PRR11: variants seen among roughly 807,000 people sequenced by gnomAD.
The protein encoded by PRR11 is proline-rich protein 11.
Under a neutral mutation model 45.6 loss-of-function variants are expected in PRR11, and 30 were observed. The observed-to-expected ratio is 0.66, with a 90% CI of 0.49 to 0.89. The LOEUF is 0.89. PRR11 is among the 40% of genes least tolerant of loss of function. PRR11 has a pLI of 0.00. For missense variants in PRR11, 373 were observed against 424.8 expected (o/e 0.88, Z 1.07); for synonymous variants, 128 against 153.5 (o/e 0.83, Z 1.23).
At chr17:59,159,222 C>G (rs1396932984) in intron 1 of PRR11, among the ~76,000 whole-genome samples, 5 of 152,220 alleles carry the variant, frequency 3.3e-5, no homozygotes, top group Non-Finnish European at 5.9e-5. Context: ...TCTTTCTCTA[C>G]CCACTCCTTA....
intron 6 of PRR11, among the ~76,000 whole-genome samples, chr17:59,195,070 T>C (rs1845134802): frequency 6.6e-6 from 1 of 152,088 alleles, no homozygotes; most frequent in African/African-American, 2.4e-5. Flanking sequence ...CAAGTTAAGT[T>C]TTTGATGTTT....
chr17:59,181,090 C>T lies in PRR11; in HGVS notation c.129-3964C>T, dbSNP rs374537154. Among the ~76,000 whole-genome samples, 96 of 150,856 alleles carry T rather than the reference C, an allele frequency of 6.4e-4. 2 individuals are homozygous for T. Among genetic ancestry groups the T allele is most frequent in the East Asian group, 2.8e-3 (14 of 5,032 alleles). ...CTGCAAGCAACACCTCCGGGGTTCACGCCATTCTGCTGCCTCAGCCTCCCA... is the reference window on the plus strand; with the variant it reads ...CTGCAAGCAACACCTCCGGGGTTCATGCCATTCTGCTGCCTCAGCCTCCCA... On this transcript the variant is annotated intron_variant, in intron 2 of 9. Transcript: ENST00000262293.
intron 2 of PRR11, among the ~76,000 whole-genome samples, chr17:59,178,086 C>A (rs1303997305): frequency 2.0e-5 from 3 of 151,524 alleles, no homozygotes; most frequent in South Asian, 2.1e-4. Flanking sequence ...GTAATCCCAG[C>A]ATTTTGGGAG....
chr17:59,200,666 G>A (rs1167272330), intron 9 of PRR11, among the ~76,000 whole-genome samples: 2 of 151,988 alleles, frequency 1.3e-5, no homozygotes, highest in Non-Finnish European at 2.9e-5. Context: ...CTAATTTTTT[G>A]TATTTTTAGT....
chr17:59,201,604 T>C lies in PRR11; in HGVS notation c.1056T>C (p.Ser352=). 1 of 1,613,662 alleles carries C rather than the reference T, an allele frequency of 6.2e-7. No homozygotes were observed. Among genetic ancestry groups the C allele is most frequent in the Non-Finnish European group, 8.5e-7 (1 of 1,180,010 alleles). The part of the protein sequence containing the change: ...PRSPTPTLPL[S]TSSFDEQN ...GCCCAACTCCAACTCTGCCACTTTCTACAAGCAGCTTTGATGAACAAAACT... is the reference window on the plus strand; with the variant it reads ...GCCCAACTCCAACTCTGCCACTTTCCACAAGCAGCTTTGATGAACAAAACT... Residue 352 remains serine, a synonymous_variant, in exon 10 of 10, where the codon TCT becomes TCC. Coordinates refer to ENST00000262293, the MANE Select transcript of PRR11 (RefSeq NM_018304.4).
intron 2 of PRR11, among the ~76,000 whole-genome samples, chr17:59,180,216 C>T (rs567700885): frequency 2.0e-5 from 3 of 150,088 alleles, no homozygotes; most frequent in South Asian, 4.2e-4. Context: ...CTGCAATCTC[C>T]GTCTCCCAGG....
rs556728059 is a variant in PRR11, at chr17:59,174,793, C to T, written c.128+4913C>T. The stretch of plus-strand genomic sequence containing the variant: ...CCCTGGAGCTCTAGGAAACGCGGTG[C>T]GATCTCGTGCCCACACCCAGTGCTC... On this transcript the variant is annotated intron_variant, in intron 2 of 9. Coordinates refer to ENST00000262293, the MANE Select transcript of PRR11 (RefSeq NM_018304.4). Among the ~76,000 whole-genome samples, 18 of 152,272 alleles carry T rather than the reference C, an allele frequency of 1.2e-4. No individual in the cohort carries two copies. In the East Asian group the frequency reaches 2.3e-3, roughly 20 times the overall value.
chr17:59,167,820 A>G (rs2046687098), intron 1 of PRR11, among the ~76,000 whole-genome samples: 1 of 152,220 alleles, frequency 6.6e-6, no homozygotes, highest in Non-Finnish European at 1.5e-5. Flanking sequence ...AAGGACAATC[A>G]GAGGCCACTT....
At chr17:59,163,204 C>A (rs2046662507) in intron 1 of PRR11, among the ~76,000 whole-genome samples, 1 of 152,118 alleles carries the variant, frequency 6.6e-6, no homozygotes, top group Admixed American at 6.6e-5. Flanking sequence ...GATTCTCCTG[C>A]CTCAGCCTCC....
At chr17:59,167,113 A>C (rs932923499) in intron 1 of PRR11, among the ~76,000 whole-genome samples, 1 of 152,182 alleles carries the variant, frequency 6.6e-6, no homozygotes, top group Non-Finnish European at 1.5e-5. Context: ...GCAGTGAGCC[A>C]AGATCGCGCC....
intron 1 of PRR11, among the ~76,000 whole-genome samples, chr17:59,161,973 G>T (rs1339760197): frequency 2.0e-5 from 3 of 152,136 alleles, no homozygotes; most frequent in Non-Finnish European, 2.9e-5. Flanking sequence ...ATTAAGTAAT[G>T]ATACTAAAAC....
At chr17:59,162,535 G>A (rs2046658524) in intron 1 of PRR11, among the ~76,000 whole-genome samples, 1 of 152,092 alleles carries the variant, frequency 6.6e-6, no homozygotes, top group Non-Finnish European at 1.5e-5. Flanking sequence ...TAGCAGTCCA[G>A]TTTAAACCAC....
rs774243319 is a variant in PRR11, at chr17:59,201,657, A to T, written c.*26A>T. On this transcript the variant is annotated 3_prime_UTR_variant, in exon 10 of 10. Transcript: ENST00000262293. ...TGCCAACTCTGCCTCACTCCATGAG[A>T]TGATCCATAACAAATACAGATAAAA... 4 of 1,607,688 alleles carry T rather than the reference A, an allele frequency of 2.5e-6. No individual in the cohort carries two copies. Among genetic ancestry groups the T allele is most frequent in the Non-Finnish European group, 3.4e-6 (4 of 1,174,886 alleles).
intron 2 of PRR11, among the ~76,000 whole-genome samples, chr17:59,180,169 C>T (rs569665234): frequency 3.0e-5 from 4 of 134,540 alleles, no homozygotes; most frequent in African/African-American, 5.6e-5. Flanking sequence ...CTTGCTTTGT[C>T]GCCCAGGCTG....
rs752735913 is a variant in PRR11 at position 59,197,749 on chromosome 17, T to C, written c.974T>C (p.Leu325Pro). The change falls in exon 9 of 10, where the codon CTG becomes CCG. Residue 325 changes from leucine (L) to proline (P), a missense_variant. Coordinates refer to ENST00000262293, the MANE Select transcript of PRR11 (RefSeq NM_018304.4). ...GAAAATATGGAAACAGGAACAGGAC[T>C]GACTCCAGTGATGACGCAGGCCTTA... is the stretch of plus-strand genomic sequence containing the variant. ...NKENMETGTG[L>P]TPVMTQALRR... 6.2e-7 allele frequency: 1 copy of C among 1,614,006 alleles called. No homozygotes were observed. Among genetic ancestry groups the C allele is most frequent in the East Asian group, 2.2e-5 (1 of 44,884 alleles).
chr17:59,155,894 G>A (rs2046620602), intron 1 of PRR11, 89 bp downstream of exon 1: 1 of 152,546 alleles, frequency 6.6e-6, no homozygotes, highest in South Asian at 2.0e-4. Flanking sequence ...ATGGTTTAGG[G>A]AGGTGGGGAC....
intron 9 of PRR11, among the ~76,000 whole-genome samples, chr17:59,201,020 T>G (rs2046890180): frequency 6.6e-6 from 1 of 151,994 alleles, no homozygotes. Flanking sequence ...TCTTTAGTGG[T>G]GATTTCTGAG....
At chr17:59,170,092 A>C (rs1054078226) in intron 2 of PRR11, among the ~76,000 whole-genome samples, 3 of 152,140 alleles carry the variant, frequency 2.0e-5, no homozygotes, top group Non-Finnish European at 4.4e-5. Context: ...GTCTCTACTA[A>C]AACTACAAAA....
chr17:59,178,389 A>G, intron 2 of PRR11: 2 of 457,190 alleles, frequency 4.4e-6, no homozygotes, highest in South Asian at 1.7e-5. Flanking sequence ...GGGAGAGAAG[A>G]GAGGAACTGT....
Sources: gnomAD v4.1 joint callset for allele counts (sites outside exome capture counted in the v4.1 genomes callset) on GRCh38, gnomAD v4.1.1 for gene constraint, MANE v1.5 for transcripts, NCBI Gene and HGNC (gene_info 2026-07-23, HGNC 2026-07-21) for gene names.